The following ENPP6 variants were observed in gnomAD, a reference collection of about 807,000 sequenced individuals.
ENPP6 encodes ectonucleotide pyrophosphatase/phosphodiesterase 6, also known as glycerophosphocholine cholinephosphodiesterase ENPP6.
ENPP6 carries 32 observed loss-of-function variants against 42.0 expected under a neutral mutation model. The observed-to-expected ratio is 0.76, with a 90% confidence interval of 0.58 to 1.02. The LOEUF (loss-of-function observed/expected upper bound fraction) is 1.02, where lower values mean the gene tolerates loss of function less well. Ranked by LOEUF, ENPP6 falls within the 50% of genes least tolerant of loss-of-function variation. The probability of loss-of-function intolerance (pLI) is 0.00; values close to 1 mark genes in which losing one functional copy is unlikely to be tolerated. For missense variants in ENPP6, 552 were observed against 566.8 expected (o/e 0.97, Z 0.27); for synonymous variants, 213 against 216.0 (o/e 0.99, Z 0.12).
At chr4:184,131,351 C>T (rs1282308113) in intron 2 of ENPP6, among the ~76,000 whole-genome samples, 3 of 129,626 alleles carry the variant, frequency 2.3e-5, no homozygotes, top group Admixed American at 1.7e-4. Flanking sequence ...TCTTTCTTTT[C>T]TTTCTTCTTT....
In ENPP6 at chr4:184,097,324, C is replaced by T. The variant is rs755801131; in HGVS notation, c.1038G>A (p.Arg346=). 5 of 1,614,100 alleles carry T rather than the reference C, an allele frequency of 3.1e-6. No homozygotes were observed. In the African/African-American group the frequency reaches 5.3e-5, roughly 17 times the overall value. Residue 346 remains arginine (R), a synonymous_variant, in exon 7 of 8, where the codon CGG becomes CGA. Coordinates refer to ENST00000296741, the MANE Select transcript of ENPP6 (RefSeq NM_153343.4). ...LPFWMNSTGR[R]EGWQRGWHGY... ...CGTGCCATCCACGCTGCCAACCTTC[C>T]CGCCTGCCGGTGCTGTTCATCCAAA...
chr4:184,110,831 G>A (rs888138585), intron 6 of ENPP6, among the ~76,000 whole-genome samples: 2 of 152,174 alleles, frequency 1.3e-5, no homozygotes, highest in Non-Finnish European at 2.9e-5. Context: ...TATCAAATGG[G>A]CTGTGATTTA....
intron 2 of ENPP6, among the ~76,000 whole-genome samples, chr4:184,138,638 C>T (rs929135652): frequency 1.5e-4 from 23 of 152,144 alleles, no homozygotes; most frequent in African/African-American, 5.5e-4. Context: ...TAGGTATGGA[C>T]GTTGAGGATC....
At chr4:184,143,041 A>G (rs897109193) in intron 2 of ENPP6, among the ~76,000 whole-genome samples, 3 of 152,140 alleles carry the variant, frequency 2.0e-5, no homozygotes, top group Admixed American at 6.5e-5. Context: ...CAGTGACTCC[A>G]TGCTTCCCAC....
chr4:184,100,775 C>G (rs1735987188), intron 6 of ENPP6, among the ~76,000 whole-genome samples: 1 of 152,154 alleles, frequency 6.6e-6, no homozygotes, highest in Non-Finnish European at 1.5e-5. Flanking sequence ...GGTGGAACGT[C>G]CCTGCCAGCA....
chr4:184,144,375 C>A (rs1255200511), intron 2 of ENPP6, among the ~76,000 whole-genome samples: 2 of 152,196 alleles, frequency 1.3e-5, no homozygotes, highest in Non-Finnish European at 2.9e-5. Flanking sequence ...CCAGACCTGG[C>A]CAGAAACCAG....
At chr4:184,131,204 C>CTTTCTTTCTT (rs1736616891) in intron 2 of ENPP6, among the ~76,000 whole-genome samples, 1 of 45,182 alleles carries the variant, frequency 2.2e-5, no homozygotes, top group East Asian at 5.3e-4. Flanking sequence ...TTTCTTTCTT[C>CTTTCTTTCTT]TTTCTTTCTT....
chr4:184,214,939 G>A (rs1733174290), intron 1 of ENPP6, among the ~76,000 whole-genome samples: 1 of 152,200 alleles, frequency 6.6e-6, no homozygotes, highest in African/African-American at 2.4e-5. Context: ...CATGGCACAT[G>A]TATGCCTCTG....
intron 1 of ENPP6, among the ~76,000 whole-genome samples, chr4:184,215,616 C>T (rs1295000429): frequency 6.6e-6 from 1 of 152,146 alleles, no homozygotes; most frequent in Non-Finnish European, 1.5e-5. Context: ...GAAACATGAG[C>T]CTTGCTAGAT....
chr4:184,134,496 T>C (rs537128879), intron 2 of ENPP6, among the ~76,000 whole-genome samples: 6 of 152,304 alleles, frequency 3.9e-5, no homozygotes, highest in African/African-American at 1.4e-4. Flanking sequence ...GTCTGTTTCA[T>C]GTGTGCTTTC....
At chr4:184,117,952 C>T (rs1227964455) in intron 3 of ENPP6, 52 bp from the exon 4 acceptor site, 5 of 1,588,168 alleles carry the variant, frequency 3.1e-6, no homozygotes, top group Non-Finnish European at 4.3e-6. Flanking sequence ...CGCCAGCTTG[C>T]TCCCTTATCA....
intron 6 of ENPP6, among the ~76,000 whole-genome samples, chr4:184,100,719 G>A (rs1405468089): frequency 1.3e-5 from 2 of 152,200 alleles, no homozygotes; most frequent in Non-Finnish European, 2.9e-5. Flanking sequence ...CTCCATGCAG[G>A]CAGAGAAGGA....
At chr4:184,185,700 G>C (rs1732624429) in intron 1 of ENPP6, among the ~76,000 whole-genome samples, 1 of 152,188 alleles carries the variant, frequency 6.6e-6, no homozygotes, top group African/African-American at 2.4e-5. Context: ...CAAGACAACT[G>C]GCTGGGATTT....
rs1427366586 is a variant in ENPP6, at chr4:184,117,758, C to T, written c.675+1G>A. On this transcript the variant is annotated splice_donor_variant, in intron 4 of 7. Transcript: ENST00000296741. LOFTEE classifies it high-confidence loss of function. The stretch of plus-strand genomic sequence containing the variant: ...GGCCACGTGTCTTTGCTTCAGGTCA[C>T]CTGGATCCACTTGGTCATGTACTTC... The T allele has an allele frequency of 5.6e-6, 9 of 1,613,540 alleles. No homozygotes were observed. The highest frequency in any genetic ancestry group is 7.6e-6 in the Non-Finnish European group (9 of 1,179,464).
At position 184,117,819 on chromosome 4, in the gene ENPP6, CT is replaced by C. The variant is rs764806393; in HGVS notation, c.614del (p.Gln205ArgfsTer9). ...EGHHYGPASPQRKDALKAVDT... is the reference protein window; with the variant it reads ...EGHHYGPASPXRKDALKAVDT... The stretch of plus-strand genomic sequence containing the variant: ...CTACAGCCTTGAGGGCATCTTTCCT[CT>C]GCGGAGATGCAGGCCCGTAGTGGTG... On this transcript the variant is annotated frameshift_variant, in exon 4 of 8. Coordinates refer to ENST00000296741, the MANE Select transcript of ENPP6 (RefSeq NM_153343.4). LOFTEE classifies it high-confidence loss of function. 18 of 1,614,252 alleles carry C rather than the reference CT, an allele frequency of 1.1e-5. No homozygotes were observed. In the South Asian group the frequency reaches 1.8e-4, roughly 16 times the overall value.
intron 2 of ENPP6, among the ~76,000 whole-genome samples, chr4:184,142,211 C>A (rs969735904): frequency 6.6e-6 from 1 of 152,202 alleles, no homozygotes; most frequent in African/African-American, 2.4e-5. Context: ...CTTCCTAGAG[C>A]CTAGGTTTCC....
At chr4:184,137,203 T>C (rs1377313907) in intron 2 of ENPP6, among the ~76,000 whole-genome samples, 1 of 152,172 alleles carries the variant, frequency 6.6e-6, no homozygotes, top group Non-Finnish European at 1.5e-5. Flanking sequence ...TTCAAGCAAT[T>C]CTCCTGCCTC....
intron 1 of ENPP6, 118 bp downstream of exon 1, chr4:184,217,461 T>A: frequency 1.5e-6 from 2 of 1,364,034 alleles, no homozygotes; most frequent in Non-Finnish European, 2.0e-6. Flanking sequence ...CTACCTTTGA[T>A]GTCCCAAAGG....
chr4:184,111,667 C>G (rs1278214351), intron 6 of ENPP6, among the ~76,000 whole-genome samples: 1 of 152,272 alleles, frequency 6.6e-6, no homozygotes, highest in African/African-American at 2.4e-5. Context: ...AATCTGCTCT[C>G]TTCTCAGTTC....
Sources: gnomAD v4.1 joint callset for allele counts (sites outside exome capture counted in the v4.1 genomes callset) on GRCh38, gnomAD v4.1.1 for gene constraint, MANE v1.5 for transcripts, NCBI Gene and HGNC (gene_info 2026-07-23, HGNC 2026-07-21) for gene names.